Variants in VPS4A observed in about 807,000 individuals in gnomAD.
VPS4A encodes vacuolar protein sorting-associated protein 4A.
VPS4A carries 20 observed loss-of-function variants against 52.3 expected under a neutral mutation model. The observed-to-expected ratio is 0.38, with a 90% CI of 0.27 to 0.56. The LOEUF (loss-of-function observed/expected upper bound fraction) is 0.56. Ranked by LOEUF, VPS4A falls within the 20% of genes least tolerant of loss-of-function variation. The pLI, the probability that VPS4A is intolerant of heterozygous loss-of-function variation, is 0.72. For missense variants in VPS4A, 419 were observed against 575.9 expected (o/e 0.73, Z 2.79); for synonymous variants, 293 against 227.7 (o/e 1.29, Z -2.58).
intron 3 of VPS4A, among the ~76,000 whole-genome samples, chr16:69,317,077 C>G (rs1032491838): frequency 2.8e-4 from 42 of 152,154 alleles, no homozygotes; most frequent in African/African-American, 1.0e-3. Flanking sequence ...GTGGTGTCAG[C>G]TGCCTCACCA....
intron 6 of VPS4A, 116 bp downstream of exon 6, chr16:69,319,659 C>T: frequency 2.2e-6 from 3 of 1,353,312 alleles, no homozygotes; most frequent in Non-Finnish European, 3.0e-6. Context: ...GGAGGGTACC[C>T]AAGAGCAGTG....
At chr16:69,315,472 A>G (rs1314282079) in intron 1 of VPS4A, among the ~76,000 whole-genome samples, 1 of 152,158 alleles carries the variant, frequency 6.6e-6, no homozygotes, top group Non-Finnish European at 1.5e-5. Flanking sequence ...CAGCCTGGAG[A>G]AGCAAGCTGC....
chr16:69,320,713 T>A lies in VPS4A; in HGVS notation c.795T>A (p.Thr265=). 2 of 1,608,026 alleles carry A rather than the reference T, an allele frequency of 1.2e-6. No individual in the cohort carries two copies. Among genetic ancestry groups the A allele is most frequent in the Non-Finnish European group, 1.7e-6 (2 of 1,177,412 alleles). ...GGGTGGGGAATAACAATGATGGGAC[T>A]CTGGTTCTTGGAGCCACAAACATCC... ...MQGVGNNNDG[T]LVLGATNIPW... The change falls in exon 8 of 11, where the codon ACT becomes ACA. Residue 265 remains threonine, a synonymous_variant. Coordinates refer to ENST00000254950, the MANE Select transcript of VPS4A (RefSeq NM_013245.3). This position sits in a 1 kb window ranked among gnomAD's most constrained non-coding sequence, Gnocchi z 4.2.
rs1012311544 is a variant in VPS4A at position 69,326,864 on chromosome 16, G to A, written c.*2555G>A. The A allele has an allele frequency of 8.5e-5, 13 of 152,156 alleles. No individual in the cohort carries two copies. Among genetic ancestry groups the A allele is most frequent in the Admixed American group, 7.2e-4 (11 of 15,270 alleles). 9.4% of individuals were successfully genotyped at this position (152,156 alleles called of 1,614,324 possible). ...GCTCACAACGTTGACATGTATATGC[G>A]TTTTTTGTGAGTGCTTCCTGCTCAA... On this transcript the variant is annotated 3_prime_UTR_variant, in exon 11 of 11. Transcript: ENST00000254950.
intron 10 of VPS4A, chr16:69,323,448 C>G (rs960185903): frequency 6.0e-6 from 2 of 335,410 alleles, no homozygotes; most frequent in Non-Finnish European, 5.9e-6. Flanking sequence ...AGCCACCACA[C>G]CTAGCCTGCA....
intron 1 of VPS4A, among the ~76,000 whole-genome samples, chr16:69,312,843 C>T (rs531489286): frequency 2.9e-4 from 44 of 152,186 alleles, no homozygotes; most frequent in African/African-American, 1.0e-3. Context: ...GAACTCCCGA[C>T]CTCAGATGAT....
Position 69,311,544 on chromosome 16 carries a change from G to C in VPS4A, c.21+12G>C. 4 of 1,317,404 alleles carry C rather than the reference G, an allele frequency of 3.0e-6. No homozygotes were observed. The South Asian group carries it at 9.2e-5, about 30-fold the overall frequency. The allele number at this position is 1,317,404 out of a possible 1,614,324, so 81.6% of individuals were successfully genotyped here. A position where few individuals can be genotyped will look rare whatever the true frequency, so the allele number is the denominator to read the frequency against. ...CGTCAACCCTCCAGGTACTTCGTGCGGCCCGGCCCGACTTCGGAGGCCGAA... is the reference window on the plus strand; with the variant it reads ...CGTCAACCCTCCAGGTACTTCGTGCCGCCCGGCCCGACTTCGGAGGCCGAA... On this transcript the variant is annotated intron_variant, in intron 1 of 10. Coordinates refer to ENST00000254950, the MANE Select transcript of VPS4A (RefSeq NM_013245.3).
intron 3 of VPS4A, among the ~76,000 whole-genome samples, chr16:69,317,270 G>T (rs1308196904): frequency 6.6e-6 from 1 of 152,138 alleles, no homozygotes; most frequent in East Asian, 1.9e-4. Context: ...TTCTCCCCAG[G>T]AGTTCCCTTT....
At position 69,311,543 on chromosome 16, in the gene VPS4A, C is replaced by T. The variant is rs913629021; in HGVS notation, c.21+11C>T. On this transcript the variant is annotated intron_variant, in intron 1 of 10. Coordinates refer to ENST00000254950, the MANE Select transcript of VPS4A (RefSeq NM_013245.3). ...ACGTCAACCCTCCAGGTACTTCGTG[C>T]GGCCCGGCCCGACTTCGGAGGCCGA... 1.5e-6 allele frequency: 2 copies of T among 1,316,200 alleles called. No homozygotes were observed. The highest frequency in any genetic ancestry group is 2.3e-5 in the South Asian group (1 of 43,454). The allele number at this position is 1,316,200 out of a possible 1,614,324, so 81.5% of individuals were successfully genotyped here.
chr16:69,311,548 C>A lies in VPS4A; in HGVS notation c.21+16C>A. On this transcript the variant is annotated intron_variant, in intron 1 of 10. Coordinates refer to ENST00000254950, the MANE Select transcript of VPS4A (RefSeq NM_013245.3). ...AACCCTCCAGGTACTTCGTGCGGCC[C>A]GGCCCGACTTCGGAGGCCGAAGGCA... 7.6e-7 allele frequency: 1 copy of A among 1,315,202 alleles called. No individual in the cohort carries two copies. The highest frequency in any genetic ancestry group is 9.8e-7 in the Non-Finnish European group (1 of 1,019,128). The allele number at this position is 1,315,202 out of a possible 1,614,324, so 81.5% of individuals were successfully genotyped here.
intron 3 of VPS4A, among the ~76,000 whole-genome samples, chr16:69,317,953 CAAAAAAAAAAA>C (rs35907075): frequency 4.3e-5 from 2 of 46,046 alleles, no homozygotes; most frequent in Non-Finnish European, 8.7e-5. Context: ...GGCACCATCT[CAAAAAAAAAAA>C]AAAAAAAAAA....
intron 6 of VPS4A, 92 bp downstream of exon 6, chr16:69,319,635 G>T: frequency 6.7e-7 from 1 of 1,490,342 alleles, no homozygotes; most frequent in Admixed American, 2.2e-5. Flanking sequence ...TCAGAGGAGT[G>T]GTTTGGTTTT....
chr16:69,316,478 A>G, intron 3 of VPS4A, 106 bp downstream of exon 3: 8 of 1,460,034 alleles, frequency 5.5e-6, no homozygotes, highest in Admixed American at 2.1e-5. Context: ...TGGTCCTCAT[A>G]GTGCAGGGAT....
chr16:69,319,431 G>A lies in VPS4A; in HGVS notation c.508G>A (p.Gly170Ser). Reference protein sequence around the residue: ...WRGILLFGPPGTGKSYLAKAV... With the variant: ...WRGILLFGPPSTGKSYLAKAV... ...GGGGATTCTGCTGTTCGGACCCCCTGGCACAGGGAAATCCTACCTGGCCAA... is the reference window on the plus strand; with the variant it reads ...GGGGATTCTGCTGTTCGGACCCCCTAGCACAGGGAAATCCTACCTGGCCAA... The change falls in exon 6 of 11, where the codon GGC becomes AGC. Residue 170 changes from glycine to serine, a missense_variant. Physicochemically the swap from Gly to Ser is moderately conservative, Grantham distance 56. Coordinates refer to ENST00000254950, the MANE Select transcript of VPS4A (RefSeq NM_013245.3). 1 of 1,614,020 alleles carries A rather than the reference G, an allele frequency of 6.2e-7. No homozygotes were observed. The highest frequency in any genetic ancestry group is 8.5e-7 in the Non-Finnish European group (1 of 1,179,902).
At chr16:69,315,986 G>A in intron 1 of VPS4A, 22 bp from the exon 2 acceptor site, 3 of 1,608,870 alleles carry the variant, frequency 1.9e-6, no homozygotes, top group Non-Finnish European at 8.5e-7. Context: ...GAAGCACTGA[G>A]CCATTTGCTT....
intron 10 of VPS4A, chr16:69,323,713 G>A (rs1348080162): frequency 2.2e-6 from 1 of 453,562 alleles, no homozygotes; most frequent in Middle Eastern, 4.8e-4. Flanking sequence ...ACTTCGGGAG[G>A]CCGAGGCGGG....
chr16:69,322,689 G>A lies in VPS4A; in HGVS notation c.1201G>A (p.Val401Met), dbSNP rs1356495435. Residue 401 changes from valine to methionine, a missense_variant, in exon 10 of 11, where the codon GTG (valine) becomes ATG (methionine). Around this residue, in one of 3 missense-constraint regions of VPS4A, gnomAD observed 185 missense variants for 200.2 expected, o/e 0.92. Transcript: ENST00000254950. ...DVPGDKLLEPVVCMSDMLRSL... is the reference protein window; with the variant it reads ...DVPGDKLLEPMVCMSDMLRSL... ...CCCTGGGGACAAACTCTTAGAGCCT[G>A]TGGTTTGCATGGTAAGTGACTTGAC... The A allele has an allele frequency of 1.2e-6, 2 of 1,613,382 alleles. No individual in the cohort carries two copies. Among genetic ancestry groups the A allele is most frequent in the Non-Finnish European group, 1.7e-6 (2 of 1,179,536 alleles).
At chr16:69,323,954 A>AG (rs1965549522) in intron 10 of VPS4A, among the ~76,000 whole-genome samples, 1 of 151,608 alleles carries the variant, frequency 6.6e-6, no homozygotes, top group East Asian at 1.9e-4. Flanking sequence ...CAAAAAAAAA[A>AG]AAAAAAAAAA....
intron 1 of VPS4A, among the ~76,000 whole-genome samples, chr16:69,312,386 C>A (rs1388978960): frequency 6.6e-6 from 1 of 152,076 alleles, no homozygotes; most frequent in Non-Finnish European, 1.5e-5. Flanking sequence ...GAAGGGACAT[C>A]AGAGTTCCAG....
Sources: gnomAD v4.1 joint callset for allele counts (sites outside exome capture counted in the v4.1 genomes callset) on GRCh38, gnomAD v4.1.1 for gene constraint, gnomAD v4.1.1 regional missense constraint, Gnocchi (gnomAD v3.1) non-coding constraint, MANE v1.5 for transcripts, NCBI Gene and HGNC (gene_info 2026-07-23, HGNC 2026-07-21) for gene names.